The following TJAP1 variants were observed in gnomAD, a reference collection of about 807,000 sequenced individuals.
The protein encoded by TJAP1 is tight junction-associated protein 1.
A neutral mutation model predicts 42.0 loss-of-function variants in TJAP1; 27 were observed. That is an observed-to-expected ratio of 0.64 (90% CI 0.47 to 0.89). The LOEUF is 0.89. Ranked by LOEUF, TJAP1 falls within the 40% of genes least tolerant of loss-of-function variation. The pLI is 0.00. For missense variants in TJAP1, 712 were observed against 726.9 expected (o/e 0.98, Z 0.24); for synonymous variants, 257 against 288.4 (o/e 0.89, Z 1.10).
rs796459424 is a variant in TJAP1, at chr6:43,501,767, GTCTC to G, written c.290+92_290+95del. ...ACACACACACACACACACTCTCTCT[GTCTC>G]TCTCTCTCTCTGTGTCTCTGTCTCT... On this transcript the variant is annotated intron_variant, in intron 6 of 10. Transcript: ENST00000372449. The G allele has an allele frequency of 3.8e-3, 1,857 of 488,502 alleles. 25 individuals are homozygous for G. Among genetic ancestry groups the G allele is most frequent in the African/African-American group, 0.018 (493 of 27,034 alleles). 30.3% of individuals were successfully genotyped at this position (488,502 alleles called of 1,614,324 possible). A position where few individuals can be genotyped will look rare whatever the true frequency, so the allele number is the denominator to read the frequency against.
chr6:43,501,927 ACTCTCTCT>A (rs201624955), intron 6 of TJAP1, among the ~76,000 whole-genome samples: 1,008 of 71,600 alleles, frequency 0.014, 35 homozygotes, highest in African/African-American at 0.062. Context: ...ACACACACAC[ACTCTCTCT>A]CTCTCTCTCT....
intron 2 of TJAP1, among the ~76,000 whole-genome samples, chr6:43,487,440 T>G (rs1447451785): frequency 6.6e-6 from 1 of 152,216 alleles, no homozygotes; most frequent in East Asian, 1.9e-4. Flanking sequence ...ATTGTCCTGG[T>G]ATTCCTGTGG....
chr6:43,501,929 T>C (rs6920400), intron 6 of TJAP1, among the ~76,000 whole-genome samples: 1 of 52,968 alleles, frequency 1.9e-5, no homozygotes, highest in African/African-American at 7.7e-5. Context: ...ACACACACAC[T>C]CTCTCTCTCT....
chr6:43,503,907 G>A (rs1163300970), intron 10 of TJAP1: 9 of 711,976 alleles, frequency 1.3e-5, no homozygotes, highest in African/African-American at 3.5e-5. Context: ...CTAGTTCTGG[G>A]GGGCCAGCCC....
intron 2 of TJAP1, among the ~76,000 whole-genome samples, chr6:43,484,600 A>G (rs1786038588): frequency 6.6e-6 from 1 of 152,254 alleles, no homozygotes; most frequent in East Asian, 1.9e-4. Context: ...CCTGGTAGCC[A>G]GGAGCATTTT....
intron 8 of TJAP1, 28 bp downstream of exon 8, chr6:43,502,645 C>G: frequency 1.3e-6 from 2 of 1,551,616 alleles, no homozygotes; most frequent in Non-Finnish European, 1.7e-6. Context: ...GTGTCTTCTC[C>G]CTTGCCCTGG....
exon 11 of TJAP1, chr6:43,506,462 T>C (rs953964720): frequency 1.3e-5 from 2 of 152,672 alleles, no homozygotes; most frequent in African/African-American, 2.4e-5. Context: ...TGGCCCCCAC[T>C]CCCAACCTTG....
At position 43,505,073 on chromosome 6, in the gene TJAP1, A is replaced by G. The variant is rs763148664; in HGVS notation, c.892A>G (p.Arg298Gly). The change falls in exon 11 of 11, where the codon AGG becomes GGG. Residue 298 changes from arginine (R) to glycine (G), a missense_variant. Coordinates refer to ENST00000372449, the Ensembl canonical transcript of TJAP1. This position sits in a 1 kb window ranked among gnomAD's most constrained non-coding sequence, Gnocchi z 5.5. The stretch of plus-strand genomic sequence containing the variant: ...GGAGTGCCACTCTCTGGGTACTGCC[A>G]GGGGCTCCCCGGAGGAAGAGCTGCC... 2.4e-5 allele frequency: 39 copies of G among 1,613,934 alleles called. 1 individual carries two copies. The highest frequency in any genetic ancestry group is 3.3e-5 in the Admixed American group (2 of 60,012).
chr6:43,499,892 ATGCTAGG>A (rs1399590369), intron 4 of TJAP1, among the ~76,000 whole-genome samples: 2 of 152,232 alleles, frequency 1.3e-5, no homozygotes, highest in East Asian at 3.8e-4. Flanking sequence ...GCCAGCTATT[ATGCTAGG>A]TGCTACCCAG....
intron 2 of TJAP1, among the ~76,000 whole-genome samples, chr6:43,481,266 A>G (rs1274321211): frequency 6.6e-6 from 1 of 152,128 alleles, no homozygotes; most frequent in Admixed American, 6.6e-5. Flanking sequence ...TCATGATTCA[A>G]CTTGGTGATG....
At chr6:43,494,453 G>A (rs749433868) in intron 2 of TJAP1, among the ~76,000 whole-genome samples, 2 of 152,042 alleles carry the variant, frequency 1.3e-5, no homozygotes, top group African/African-American at 2.4e-5. Context: ...AGCCCAAGAA[G>A]CCCCAGGCCA....
At chr6:43,503,101 AGC>A in intron 8 of TJAP1, 3 of 485,242 alleles carry the variant, frequency 6.2e-6, no homozygotes, top group Admixed American at 7.1e-5. Context: ...TTGAGGTACC[AGC>A]TGCCTTGCCT....
At chr6:43,489,646 T>A (rs935397360) in intron 2 of TJAP1, 2 of 152,232 alleles carry the variant, frequency 1.3e-5, no homozygotes. Flanking sequence ...ATAGAGGAGC[T>A]GAGCCCCTTC....
chr6:43,503,150 G>C, intron 8 of TJAP1: 1 of 547,244 alleles, frequency 1.8e-6, no homozygotes, highest in South Asian at 2.1e-5. Context: ...GGGATGGACA[G>C]CTCTTATACT....
At chr6:43,493,843 G>A (rs1044197768) in intron 2 of TJAP1, among the ~76,000 whole-genome samples, 1 of 152,098 alleles carries the variant, frequency 6.6e-6, no homozygotes, top group Admixed American at 6.5e-5. Flanking sequence ...CACCACGGTG[G>A]AAGCCCCTGA....
rs558121503 is a variant in TJAP1 at position 43,495,197 on chromosome 6, C to CT, written c.-121-2681dup. Among the ~76,000 whole-genome samples the CT allele has an allele frequency of 2.4e-4, 37 of 152,358 alleles. No homozygotes were observed. Among genetic ancestry groups the CT allele is most frequent in the African/African-American group, 8.7e-4 (36 of 41,580 alleles). ...CACTCTGATGCCATCTGCCTCACCC[C>CT]TTTACCTTCTCCCAGCTTGCAGGCC... On this transcript the variant is annotated intron_variant, in intron 2 of 10. Transcript: ENST00000372449. This position sits in a 1 kb window ranked among gnomAD's most constrained non-coding sequence, Gnocchi z 4.6.
chr6:43,496,149 C>G (rs538627436), intron 2 of TJAP1, among the ~76,000 whole-genome samples: 1 of 152,148 alleles, frequency 6.6e-6, no homozygotes, highest in East Asian at 1.9e-4. Flanking sequence ...GAGACCAACT[C>G]TCTGAGCTGC....
intron 8 of TJAP1, 145 bp downstream of exon 8, chr6:43,502,762 A>G (rs1016806414): frequency 5.5e-6 from 5 of 911,670 alleles, no homozygotes; most frequent in Middle Eastern, 2.2e-4. Flanking sequence ...TTTAACTGTC[A>G]ATGCCTCCCT....
chr6:43,485,907 A>G (rs1221832148), intron 2 of TJAP1, among the ~76,000 whole-genome samples: 1 of 152,180 alleles, frequency 6.6e-6, no homozygotes, highest in East Asian at 1.9e-4. Context: ...GATTGCATTC[A>G]TGTGGTTAAA....
Sources: allele counts gnomAD v4.1 joint callset (sites outside exome capture counted in the v4.1 genomes callset), GRCh38; gene constraint gnomAD v4.1.1; non-coding constraint Gnocchi (gnomAD v3.1); transcripts MANE v1.5; gene names NCBI Gene and HGNC (gene_info 2026-07-23, HGNC 2026-07-21).